Variants in NXN observed in about 807,000 individuals in gnomAD.
The protein encoded by NXN is nucleoredoxin.
A neutral mutation model predicts 48.6 loss-of-function variants in NXN; 16 were observed. That is an observed-to-expected ratio of 0.33 (90% CI 0.22 to 0.50). The LOEUF (loss-of-function observed/expected upper bound fraction) is 0.50, where lower values mean the gene tolerates loss of function less well. Ranked by LOEUF, NXN falls within the 20% of genes least tolerant of loss-of-function variation. The pLI is 0.98. For missense variants in NXN, 492 were observed against 605.5 expected, an observed-to-expected ratio of 0.81 and a Z score of 1.97; for synonymous variants, 281 against 269.6, an observed-to-expected ratio of 1.04 and a Z score of -0.41.
intron 1 of NXN, among the ~76,000 whole-genome samples, chr17:864,556 G>A (rs1177627077): frequency 1.3e-5 from 2 of 152,154 alleles, no homozygotes; most frequent in Admixed American, 6.6e-5. Context: ...GATAAACATC[G>A]GTGAGACCAA....
At chr17:965,258 G>A (rs1425584271) in intron 1 of NXN, among the ~76,000 whole-genome samples, 1 of 152,156 alleles carries the variant, frequency 6.6e-6, no homozygotes, top group Non-Finnish European at 1.5e-5. Flanking sequence ...ACCCACCGAC[G>A]GAGGGAGTCT....
At chr17:895,252 G>A (rs2068465916) in intron 1 of NXN, among the ~76,000 whole-genome samples, 1 of 147,714 alleles carries the variant, frequency 6.8e-6, no homozygotes, top group Non-Finnish European at 1.5e-5. Flanking sequence ...CCTGACCTCA[G>A]GTGATCTGCC....
intron 1 of NXN, among the ~76,000 whole-genome samples, chr17:863,232 G>A (rs753232276): frequency 3.2e-4 from 49 of 152,022 alleles, no homozygotes; most frequent in Non-Finnish European, 5.2e-4. Context: ...GTGCAGTGGC[G>A]CGATCTCAGC....
At chr17:895,810 A>AAAAC (rs143961876) in intron 1 of NXN, among the ~76,000 whole-genome samples, 131,926 of 139,488 alleles carry the variant, frequency 0.95, 62,534 homozygotes, top group Middle Eastern at 0.99. Context: ...GTTTGTCTCA[A>AAAAC]AAACAAACAA....
intron 1 of NXN, among the ~76,000 whole-genome samples, chr17:893,192 G>A (rs189711968): frequency 1.1e-4 from 17 of 152,358 alleles, no homozygotes; most frequent in African/African-American, 3.4e-4. Context: ...TTACTTCCAC[G>A]AGTCAATCAG....
At chr17:979,240 G>GGGGTAACGGGCGTGGGGGGCGGGCAT in intron 1 of NXN, 79 bp downstream of exon 1, 1 of 1,085,836 alleles carries the variant, frequency 9.2e-7, no homozygotes, top group African/African-American at 2.0e-5. Context: ...GCGGAGGGCA[G>GGGGTAACGGGCGTGGGGGGCGGGCAT]GGGTAACGGG....
chr17:976,407 C>A (rs1462517998), intron 1 of NXN, among the ~76,000 whole-genome samples: 1 of 152,108 alleles, frequency 6.6e-6, no homozygotes, highest in Non-Finnish European at 1.5e-5. Context: ...TAGAACCATA[C>A]CCTTTGTTAT....
intron 1 of NXN, among the ~76,000 whole-genome samples, chr17:896,048 A>C (rs1320452867): frequency 6.6e-6 from 1 of 152,044 alleles, no homozygotes; most frequent in African/African-American, 2.4e-5. Flanking sequence ...CTCTACAAAA[A>C]AATTAAATAG....
chr17:895,167 C>A (rs999923127), intron 1 of NXN, among the ~76,000 whole-genome samples: 38 of 151,856 alleles, frequency 2.5e-4, no homozygotes, highest in African/African-American at 8.7e-4. Context: ...CAGGCACCCA[C>A]CACCACGCCC....
In NXN at chr17:917,868, G is replaced by A. The variant is rs568191415; in HGVS notation, c.360+61451C>T. 1.3e-5 allele frequency among the ~76,000 whole-genome samples: 2 copies of A among 152,124 alleles called. No individual in the cohort carries two copies. Among genetic ancestry groups the A allele is most frequent in the Admixed American group, 6.6e-5 (1 of 15,258 alleles). On this transcript the variant is annotated intron_variant, in intron 1 of 7. Coordinates refer to ENST00000336868, the MANE Select transcript of NXN (RefSeq NM_022463.5). The surrounding 1 kb of genome is among the most constrained non-coding windows in gnomAD (Gnocchi z 4.5). Reference sequence around the variant, plus strand: ...GGGGGACTCCCGTTCCAAACAAAGGGGACTGCGTACTGGTGAAGAAGAATG... The same window carrying A: ...GGGGGACTCCCGTTCCAAACAAAGGAGACTGCGTACTGGTGAAGAAGAATG...
chr17:806,192 C>G (rs1911504203), intron 5 of NXN, among the ~76,000 whole-genome samples: 1 of 131,608 alleles, frequency 7.6e-6, no homozygotes, highest in Non-Finnish European at 1.6e-5. Flanking sequence ...CAACCCCCTC[C>G]CCAGGGCTGC....
At chr17:971,097 C>T (rs1427925128) in intron 1 of NXN, among the ~76,000 whole-genome samples, 11 of 151,906 alleles carry the variant, frequency 7.2e-5, no homozygotes, top group African/African-American at 2.4e-5. Context: ...CAGGCATGCA[C>T]CACCACACCC....
chr17:846,429 A>G (rs1045298354), intron 1 of NXN, among the ~76,000 whole-genome samples: 19 of 148,864 alleles, frequency 1.3e-4, no homozygotes, highest in South Asian at 4.2e-4. Context: ...AAAAAAAAAA[A>G]AAGAAAAGAA....
chr17:813,472 C>A (rs1912284770), intron 5 of NXN, among the ~76,000 whole-genome samples: 1 of 152,256 alleles, frequency 6.6e-6, no homozygotes, highest in African/African-American at 2.4e-5. Flanking sequence ...CTCAGCCCAA[C>A]CTCGAAGCGC....
intron 1 of NXN, among the ~76,000 whole-genome samples, chr17:938,261 G>A (rs2068931373): frequency 6.6e-6 from 1 of 152,276 alleles, no homozygotes; most frequent in Non-Finnish European, 1.5e-5. Context: ...AAAAGCACGA[G>A]ATGATGGGAA....
intron 1 of NXN, chr17:880,058 G>A (rs535626509): frequency 1.3e-5 from 2 of 152,228 alleles, no homozygotes; most frequent in Non-Finnish European, 2.9e-5. Context: ...TCAAGTTTGA[G>A]GGTGAGGTTT....
At chr17:872,106 A>T (rs1202042643) in intron 1 of NXN, among the ~76,000 whole-genome samples, 1 of 152,086 alleles carries the variant, frequency 6.6e-6, no homozygotes, top group East Asian at 1.9e-4. Flanking sequence ...GATGATGGAG[A>T]GTTCCTGCAC....
intron 1 of NXN, among the ~76,000 whole-genome samples, chr17:886,169 C>G (rs1181063856): frequency 6.6e-6 from 1 of 152,084 alleles, no homozygotes; most frequent in Non-Finnish European, 1.5e-5. Flanking sequence ...GGTTTCTCCA[C>G]GGAAGCAGCT....
At position 847,204 on chromosome 17, in the gene NXN, T is replaced by C. The variant is rs546701603; in HGVS notation, c.361-21126A>G. ...ACAGCTCCCTTCTCAATTTCCTATT[T>C]GATTGTTATTTCACAAGGGCTTTTT... On this transcript the variant is annotated intron_variant, in intron 1 of 7. Transcript: ENST00000336868. 2.0e-5 allele frequency among the ~76,000 whole-genome samples: 3 copies of C among 151,740 alleles called. No homozygotes were observed. The East Asian group carries it at 5.9e-4, about 30-fold the overall frequency.
Sources: allele counts gnomAD v4.1 joint callset (sites outside exome capture counted in the v4.1 genomes callset), GRCh38; gene constraint gnomAD v4.1.1; non-coding constraint Gnocchi (gnomAD v3.1); transcripts MANE v1.5; gene names NCBI Gene and HGNC (gene_info 2026-07-23, HGNC 2026-07-21).